Variants in PTPN3 observed in about 807,000 individuals in gnomAD.
PTPN3 encodes the protein tyrosine-protein phosphatase non-receptor type 3.
PTPN3 carries 96 observed loss-of-function variants against 132.7 expected under a neutral mutation model. The observed-to-expected ratio is 0.72, with a 90% CI of 0.61 to 0.86. The LOEUF is 0.86. Among genes scored for constraint, PTPN3 ranks in the 40% least tolerant of loss-of-function variants. PTPN3 has a pLI of 0.00. For synonymous variants in PTPN3, 398 were observed against 429.0 expected, an observed-to-expected ratio of 0.93 and a Z score of 0.89; for missense variants, 1,125 against 1,159.6, an observed-to-expected ratio of 0.97 and a Z score of 0.43.
intron 1 of PTPN3, among the ~76,000 whole-genome samples, chr9:109,473,560 T>C (rs1422886154): frequency 3.9e-5 from 6 of 152,146 alleles, no homozygotes; most frequent in African/African-American, 1.4e-4. Flanking sequence ...CGCGGGCAGT[T>C]TCGGGAAAGA....
intron 5 of PTPN3, among the ~76,000 whole-genome samples, chr9:109,453,587 A>G (rs1232462615): frequency 2.0e-5 from 3 of 151,970 alleles, no homozygotes; most frequent in Non-Finnish European, 4.4e-5. Flanking sequence ...GGGGTAAACA[A>G]CTCCTATCAC....
intron 14 of PTPN3, chr9:109,417,611 A>G (rs1588381115): frequency 1.0e-6 from 1 of 984,696 alleles, no homozygotes; most frequent in East Asian, 1.1e-4. Flanking sequence ...GGGTTCCCAG[A>G]CCCTCAGGAG....
chr9:109,386,731 C>G (rs1263419982), intron 22 of PTPN3, among the ~76,000 whole-genome samples: 1 of 152,188 alleles, frequency 6.6e-6, no homozygotes, highest in African/African-American at 2.4e-5. Context: ...ACAGAAGGTA[C>G]CAGTCTCAAG....
At chr9:109,380,400 C>T (rs1429343881) in intron 25 of PTPN3, among the ~76,000 whole-genome samples, 1 of 152,170 alleles carries the variant, frequency 6.6e-6, no homozygotes, top group Non-Finnish European at 1.5e-5. Flanking sequence ...GGACTATAGG[C>T]ACATGCCACC....
chr9:109,445,984 C>T (rs1032111510), intron 6 of PTPN3, among the ~76,000 whole-genome samples: 1 of 152,164 alleles, frequency 6.6e-6, no homozygotes, highest in Non-Finnish European at 1.5e-5. Flanking sequence ...TCCCAGGTGC[C>T]CTGTTTCTGC....
In PTPN3 at chr9:109,417,677, T is replaced by C. The variant is rs878997023; in HGVS notation, c.1313+2747A>G. On this transcript the variant is annotated intron_variant, in intron 14 of 25. Coordinates refer to ENST00000374541, the MANE Select transcript of PTPN3 (RefSeq NM_002829.4). ...GTGGCTTCCCACCGGCAGGAAGAGG[T>C]CTCCCACCTAACAGAGGTGGTGGGG... 12 of 984,630 alleles carry C rather than the reference T, an allele frequency of 1.2e-5. No individual in the cohort carries two copies. In the South Asian group the frequency reaches 5.7e-4, roughly 46 times the overall value. 61.0% of individuals were successfully genotyped at this position (984,630 alleles called of 1,614,324 possible).
chr9:109,533,677 CA>C, the PTPN3 span: 1 of 1,485,572 alleles, frequency 6.7e-7, no homozygotes, highest in Non-Finnish European at 9.2e-7. Flanking sequence ...CAGCACCCTC[CA>C]TCACTTCTCC....
chr9:109,497,815 G>A (rs957090930), intron 1 of PTPN3, among the ~76,000 whole-genome samples: 1 of 151,894 alleles, frequency 6.6e-6, no homozygotes, highest in Non-Finnish European at 1.5e-5. Flanking sequence ...AGCTCCCCGC[G>A]GGCTGTGTGC....
At position 109,377,457 on chromosome 9, in the gene PTPN3, C is replaced by CACACACACAA. The variant is rs1422644975; in HGVS notation, c.*2098_*2099insTTGTGTGTGT. On this transcript the variant is annotated 3_prime_UTR_variant, in exon 26 of 26. Coordinates refer to ENST00000374541, the MANE Select transcript of PTPN3 (RefSeq NM_002829.4). ...ACACACACACACACACACACACACACAAGCCAGGTGAGGTGGCATGTGCCT... is the reference window on the plus strand; with the variant it reads ...ACACACACACACACACACACACACACACACACACAAAAGCCAGGTGAGGTGGCATGTGCCT... 8 of 131,268 alleles carry CACACACACAA rather than the reference C, an allele frequency of 6.1e-5. No homozygotes were observed. Among genetic ancestry groups the CACACACACAA allele is most frequent in the Non-Finnish European group, 1.3e-4 (8 of 62,794 alleles). 8.1% of individuals were successfully genotyped at this position (131,268 alleles called of 1,614,324 possible).
intron 5 of PTPN3, among the ~76,000 whole-genome samples, chr9:109,451,599 T>G (rs1588450179): frequency 6.6e-6 from 1 of 152,344 alleles, no homozygotes; most frequent in Admixed American, 6.5e-5. Context: ...GCCCGAGGCT[T>G]CTCTCCATCA....
rs796363461 is a variant in PTPN3 at position 109,379,257 on chromosome 9, C to T, written c.*299G>A. 8.7e-5 allele frequency: 28 copies of T among 321,686 alleles called. 1 individual carries two copies. Among genetic ancestry groups the T allele is most frequent in the African/African-American group, 4.9e-4 (23 of 46,968 alleles). 19.9% of individuals were successfully genotyped at this position (321,686 alleles called of 1,614,324 possible). A position where few individuals can be genotyped will look rare whatever the true frequency, so the allele number is the denominator to read the frequency against. Reference sequence around the variant, plus strand: ...TCCGGTCTCAATTGCTCCAGGATGCCGACAGGGGTGTGTGTGGTGATGTTA... The same window carrying T: ...TCCGGTCTCAATTGCTCCAGGATGCTGACAGGGGTGTGTGTGGTGATGTTA... On this transcript the variant is annotated 3_prime_UTR_variant, in exon 26 of 26. Coordinates refer to ENST00000374541, the MANE Select transcript of PTPN3 (RefSeq NM_002829.4).
At chr9:109,477,533 C>G (rs919114082) in intron 1 of PTPN3, among the ~76,000 whole-genome samples, 1 of 152,188 alleles carries the variant, frequency 6.6e-6, no homozygotes, top group African/African-American at 2.4e-5. Context: ...GCCAACGCAC[C>G]TTTCAGAATT....
At chr9:109,476,370 TAA>T (rs111446708) in intron 1 of PTPN3, among the ~76,000 whole-genome samples, 4 of 143,432 alleles carry the variant, frequency 2.8e-5, no homozygotes, top group African/African-American at 1.0e-4. Flanking sequence ...TTGTAAACCT[TAA>T]AAAAAAAAAC....
At chr9:109,380,877 G>C (rs1221898420) in intron 25 of PTPN3, among the ~76,000 whole-genome samples, 3 of 152,064 alleles carry the variant, frequency 2.0e-5, no homozygotes, top group Admixed American at 6.5e-5. Flanking sequence ...AGCCTTCCTA[G>C]ACTTTCCAAA....
intron 6 of PTPN3, among the ~76,000 whole-genome samples, chr9:109,448,536 T>A (rs1845015357): frequency 6.6e-6 from 1 of 152,158 alleles, no homozygotes; most frequent in Non-Finnish European, 1.5e-5. Flanking sequence ...GGTCCCCTCC[T>A]CCCTTTAAAA....
At chr9:109,388,295 C>T (rs1839769426) in intron 22 of PTPN3, among the ~76,000 whole-genome samples, 1 of 152,148 alleles carries the variant, frequency 6.6e-6, no homozygotes, top group African/African-American at 2.4e-5. Flanking sequence ...AGGAAACATG[C>T]ACCCTGGATT....
At chr9:109,503,572 G>A in the PTPN3 span, among the ~76,000 whole-genome samples, 3 of 152,032 alleles carry the variant, frequency 2.0e-5, no homozygotes, top group Admixed American at 2.0e-4. Context: ...AGCCAGGTGT[G>A]GTGGCACATG....
rs1027223044 is a variant in PTPN3 at position 109,389,235 on chromosome 9, G to C, written c.2251C>G (p.Arg751Gly). ...VMLTTLTERG[R>G]TKCHQYWPDP... ...GAATTAGAAATCAAGCTACTTACCC[G>C]CCCTCGTTCTGTGAGAGTCGTCAAC... is the stretch of plus-strand genomic sequence containing the variant. Residue 751 changes from arginine to glycine, a missense_variant and splice_region_variant, in exon 22 of 26, where the codon CGG (arginine) becomes GGG (glycine). Coordinates refer to ENST00000374541, the MANE Select transcript of PTPN3 (RefSeq NM_002829.4). 1.9e-6 allele frequency: 3 copies of C among 1,613,992 alleles called. No homozygotes were observed. The highest frequency in any genetic ancestry group is 1.3e-5 in the African/African-American group (1 of 75,020).
intron 5 of PTPN3, chr9:109,451,258 C>T: frequency 1.0e-6 from 1 of 985,082 alleles, no homozygotes; most frequent in African/African-American, 1.7e-5. Context: ...GTCCTGGTGG[C>T]CCACCAGCTC....
Sources: gnomAD v4.1 joint callset for allele counts (sites outside exome capture counted in the v4.1 genomes callset) on GRCh38, gnomAD v4.1.1 for gene constraint, MANE v1.5 for transcripts, NCBI Gene and HGNC (gene_info 2026-07-23, HGNC 2026-07-21) for gene names.